Variants in DMRT1 observed in about 807,000 individuals in gnomAD.
DMRT1 encodes the protein doublesex and mab-3 related transcription factor 1.
Under a neutral mutation model 32.3 loss-of-function variants are expected in DMRT1, and 7 were observed. The observed-to-expected ratio is 0.22, with a 90% CI of 0.12 to 0.41. The LOEUF (loss-of-function observed/expected upper bound fraction) is 0.41, where lower values mean the gene tolerates loss of function less well. Among genes scored for constraint, DMRT1 ranks in the 10% least tolerant of loss-of-function variants. The pLI is 1.00. For missense variants in DMRT1, 625 were observed against 500.5 expected (o/e 1.25, Z -2.37); for synonymous variants, 278 against 206.1 (o/e 1.35, Z -2.99).
chr9:855,644 G>A (rs7869455), intron 2 of DMRT1, among the ~76,000 whole-genome samples: 64,949 of 151,778 alleles, frequency 0.43, 14,776 homozygotes, highest in Non-Finnish European at 0.52. Context: ...TTTTGAGACA[G>A]GGTCTCGCTT....
chr9:875,827 A>G (rs1033013125), intron 2 of DMRT1, among the ~76,000 whole-genome samples: 6 of 152,176 alleles, frequency 3.9e-5, no homozygotes, highest in Non-Finnish European at 4.4e-5. Flanking sequence ...GTACACACAC[A>G]TATATATTTA....
rs1328960791 is a variant in DMRT1 at position 842,242 on chromosome 9, T to TC, written c.354+50_354+51insC. ...GGGTTCAGCCTTAGTTTTTTTTTTT[T>TC]TTTTTTTTTTTAGATGGAGTCTCGC... On this transcript the variant is annotated intron_variant, in intron 1 of 4. Coordinates refer to ENST00000382276, the MANE Select transcript of DMRT1 (RefSeq NM_021951.3). 28 of 1,502,050 alleles carry TC rather than the reference T, an allele frequency of 1.9e-5. No individual in the cohort carries two copies. The African/African-American group carries it at 2.6e-4, about 14-fold the overall frequency. 93.0% of individuals were successfully genotyped at this position (1,502,050 alleles called of 1,614,324 possible).
rs181528895 is a variant in DMRT1 at position 853,879 on chromosome 9, T to G, written c.538+6736T>G. ...GGCTCCATCATGGCTCACTGCATCCTCCAACTCCTAGGCTCAAACAATTCT... is the reference window on the plus strand; with the variant it reads ...GGCTCCATCATGGCTCACTGCATCCGCCAACTCCTAGGCTCAAACAATTCT... On this transcript the variant is annotated intron_variant, in intron 2 of 4. Transcript: ENST00000382276. Among the ~76,000 whole-genome samples the G allele has an allele frequency of 3.4e-3, 510 of 152,228 alleles. 4 individuals carry two copies. Among genetic ancestry groups the G allele is most frequent in the African/African-American group, 0.011 (476 of 41,536 alleles).
At chr9:930,612 G>T (rs1420034425) in intron 4 of DMRT1, among the ~76,000 whole-genome samples, 1 of 151,990 alleles carries the variant, frequency 6.6e-6, no homozygotes, top group Non-Finnish European at 1.5e-5. Context: ...GTTTCACCAT[G>T]TTAGCCAGGA....
At chr9:927,218 G>A (rs1023349685) in intron 4 of DMRT1, among the ~76,000 whole-genome samples, 1 of 152,226 alleles carries the variant, frequency 6.6e-6, no homozygotes, top group Non-Finnish European at 1.5e-5. Context: ...CCTTCTTTCG[G>A]CCGGCCGCTG....
At chr9:851,218 G>A (rs1839137767) in intron 2 of DMRT1, among the ~76,000 whole-genome samples, 2 of 151,936 alleles carry the variant, frequency 1.3e-5, no homozygotes, top group South Asian at 4.1e-4. Context: ...CAGTAGCTTA[G>A]TGAAATTTAG....
chr9:907,608 G>C (rs16925672), intron 3 of DMRT1, among the ~76,000 whole-genome samples: 1 of 151,936 alleles, frequency 6.6e-6, no homozygotes, highest in Non-Finnish European at 1.5e-5. Flanking sequence ...TGATTTATAC[G>C]TTGGTGTCTT....
chr9:948,442 A>G (rs1819319134), intron 4 of DMRT1, among the ~76,000 whole-genome samples: 1 of 152,062 alleles, frequency 6.6e-6, no homozygotes, highest in Non-Finnish European at 1.5e-5. Flanking sequence ...GTAGCTTTCA[A>G]ATTCCCAGAC....
At chr9:928,274 G>C (rs1339477972) in intron 4 of DMRT1, among the ~76,000 whole-genome samples, 2 of 152,182 alleles carry the variant, frequency 1.3e-5, no homozygotes, top group East Asian at 3.8e-4. Context: ...ATGATCATCT[G>C]CTTAACACAC....
At chr9:896,804 C>G (rs1480183987) in intron 3 of DMRT1, among the ~76,000 whole-genome samples, 2 of 151,868 alleles carry the variant, frequency 1.3e-5, no homozygotes, top group Non-Finnish European at 2.9e-5. Flanking sequence ...CAGAGTGAGA[C>G]TCTGTCTCAA....
At chr9:843,540 T>C (rs992557887) in intron 1 of DMRT1, among the ~76,000 whole-genome samples, 1 of 152,198 alleles carries the variant, frequency 6.6e-6, no homozygotes, top group African/African-American at 2.4e-5. Context: ...CCGTCTGTGG[T>C]TTTGTTTTTT....
In DMRT1 at chr9:880,815, T is replaced by C. The variant is rs539655941; in HGVS notation, c.539-13097T>C. On this transcript the variant is annotated intron_variant, in intron 2 of 4. Coordinates refer to ENST00000382276, the MANE Select transcript of DMRT1 (RefSeq NM_021951.3). Reference sequence around the variant, plus strand: ...AAGGACCAGCGGCCTTCCCCACCCTTGCCGCTGCATCATCAGTGCCCGTCA... The same window carrying C: ...AAGGACCAGCGGCCTTCCCCACCCTCGCCGCTGCATCATCAGTGCCCGTCA... 2.1e-4 allele frequency among the ~76,000 whole-genome samples: 32 copies of C among 152,104 alleles called. No homozygotes were observed. The South Asian group carries it at 6.2e-3, about 30-fold the overall frequency.
At chr9:896,825 G>C (rs1817386724) in intron 3 of DMRT1, among the ~76,000 whole-genome samples, 1 of 151,738 alleles carries the variant, frequency 6.6e-6, no homozygotes, top group Non-Finnish European at 1.5e-5. Context: ...AAGAAAAAAA[G>C]AATTGACTTT....
At chr9:946,994 C>T (rs1055558352) in intron 4 of DMRT1, among the ~76,000 whole-genome samples, 59 of 152,116 alleles carry the variant, frequency 3.9e-4, no homozygotes, top group African/African-American at 1.4e-3. Context: ...AATTAGCTAA[C>T]GATTTGATTT....
intron 4 of DMRT1, among the ~76,000 whole-genome samples, chr9:961,998 G>T (rs917469814): frequency 1.3e-5 from 2 of 152,206 alleles, no homozygotes; most frequent in African/African-American, 4.8e-5. Flanking sequence ...TTACTGGAGA[G>T]CAGAGGAGAG....
intron 3 of DMRT1, among the ~76,000 whole-genome samples, chr9:912,538 A>G (rs1196613510): frequency 6.6e-6 from 1 of 152,240 alleles, no homozygotes; most frequent in East Asian, 1.9e-4. Flanking sequence ...AAGGGAATAA[A>G]TAAGCACACG....
In DMRT1 at chr9:916,665, C is replaced by T. The variant is rs894607820; in HGVS notation, c.823-98C>T. 5.5e-6 allele frequency: 8 copies of T among 1,463,666 alleles called. No homozygotes were observed. The African/African-American group carries it at 1.1e-4, about 20-fold the overall frequency. 90.7% of individuals were successfully genotyped at this position (1,463,666 alleles called of 1,614,324 possible). On this transcript the variant is annotated intron_variant, in intron 3 of 4. Coordinates refer to ENST00000382276, the MANE Select transcript of DMRT1 (RefSeq NM_021951.3). ...GGGAACATAGGCATGAGCCACTGTG[C>T]CCAGCCTGTTACCTTGTTTTAAAGA...
At chr9:893,688 C>A (rs1422018780) in intron 2 of DMRT1, among the ~76,000 whole-genome samples, 1 of 152,226 alleles carries the variant, frequency 6.6e-6, no homozygotes, top group African/African-American at 2.4e-5. Context: ...GGTTTTGATA[C>A]TCTCAGTAAA....
chr9:902,505 T>C (rs76079122), intron 3 of DMRT1, among the ~76,000 whole-genome samples: 8 of 151,060 alleles, frequency 5.3e-5, no homozygotes, highest in African/African-American at 1.9e-4. Context: ...TTTTTTTTTT[T>C]AGATGGAGTC....
Sources: gnomAD v4.1 joint callset for allele counts (sites outside exome capture counted in the v4.1 genomes callset) on GRCh38, gnomAD v4.1.1 for gene constraint, MANE v1.5 for transcripts, NCBI Gene and HGNC (gene_info 2026-07-23, HGNC 2026-07-21) for gene names.